Variants in IQCM observed in about 807,000 individuals in gnomAD.
The protein encoded by IQCM is IQ motif containing M.
Under a neutral mutation model 57.6 loss-of-function variants are expected in IQCM, and 45 were observed. That is an observed-to-expected ratio of 0.78 (90% CI 0.62 to 1.00). The LOEUF is 1.00. Among genes scored for constraint, IQCM ranks in the 50% least tolerant of loss-of-function variants. The pLI, the probability that IQCM is intolerant of heterozygous loss-of-function variation, is 0.00. For synonymous variants in IQCM, 148 were observed against 158.9 expected, an observed-to-expected ratio of 0.93 and a Z score of 0.51; for missense variants, 468 against 511.6, an observed-to-expected ratio of 0.91 and a Z score of 0.82.
At chr4:149,501,032 A>G (rs939657081) in intron 12 of IQCM, among the ~76,000 whole-genome samples, 7 of 152,000 alleles carry the variant, frequency 4.6e-5, no homozygotes, top group Admixed American at 3.9e-4. Context: ...GAAGACAAAA[A>G]TCTCTTTATA....
chr4:149,481,907 G>A (rs1347931750), intron 12 of IQCM, among the ~76,000 whole-genome samples: 2 of 94,696 alleles, frequency 2.1e-5, no homozygotes, highest in East Asian at 6.3e-4. Context: ...GCATTAACAT[G>A]GAGTATCTTT....
At chr4:149,659,038 G>C (rs1241931702) in intron 7 of IQCM, among the ~76,000 whole-genome samples, 3 of 151,864 alleles carry the variant, frequency 2.0e-5, no homozygotes, top group Non-Finnish European at 4.4e-5. Context: ...AAAAAAAAGG[G>C]TATCTTTTTT....
chr4:149,815,193 T>C (rs1055431960), intron 2 of IQCM, 118 bp downstream of exon 2: 1 of 151,864 alleles, frequency 6.6e-6, no homozygotes, highest in Non-Finnish European at 1.5e-5. Flanking sequence ...CGAAGCTACA[T>C]GGGGGGTATA....
chr4:149,482,672 C>A (rs1462704192), intron 12 of IQCM, among the ~76,000 whole-genome samples: 1 of 151,148 alleles, frequency 6.6e-6, no homozygotes, highest in Non-Finnish European at 1.5e-5. Flanking sequence ...TTTTTTAATT[C>A]AATTTTCCAG....
intron 13 of IQCM, among the ~76,000 whole-genome samples, chr4:149,417,588 T>A (rs189610427): frequency 6.6e-6 from 1 of 152,206 alleles, no homozygotes; most frequent in East Asian, 1.9e-4. Flanking sequence ...TCATTATACA[T>A]CACAGTGGAC....
At chr4:149,515,992 T>A (rs1365151246) in intron 12 of IQCM, among the ~76,000 whole-genome samples, 3 of 152,202 alleles carry the variant, frequency 2.0e-5, no homozygotes, top group Non-Finnish European at 2.9e-5. Flanking sequence ...CCTCTTTCCC[T>A]AGCCACCTGT....
At chr4:149,709,793 A>G (rs992273375) in intron 5 of IQCM, among the ~76,000 whole-genome samples, 26 of 152,250 alleles carry the variant, frequency 1.7e-4, no homozygotes, top group Middle Eastern at 3.4e-3. Flanking sequence ...GCACAAATGC[A>G]AAGTCTTGTT....
chr4:149,406,977 C>A (rs1733022314), intron 13 of IQCM, among the ~76,000 whole-genome samples: 2 of 149,268 alleles, frequency 1.3e-5, no homozygotes, highest in Admixed American at 1.3e-4. Flanking sequence ...AGAATGAGAG[C>A]CAAGTGAAGG....
At chr4:149,597,839 C>CA in intron 8 of IQCM, among the ~76,000 whole-genome samples, 1 of 151,838 alleles carries the variant, frequency 6.6e-6, no homozygotes, top group Non-Finnish European at 1.5e-5. Context: ...AGAAGCCCAA[C>CA]AAAAATGGAG....
At chr4:149,725,091 A>G (rs1216930459) in intron 5 of IQCM, among the ~76,000 whole-genome samples, 3 of 152,148 alleles carry the variant, frequency 2.0e-5, no homozygotes, top group Non-Finnish European at 4.4e-5. Flanking sequence ...GGCAAGCACA[A>G]AGAAGATATT....
At chr4:149,511,407 A>T (rs964080162) in intron 12 of IQCM, among the ~76,000 whole-genome samples, 2 of 151,704 alleles carry the variant, frequency 1.3e-5, no homozygotes, top group African/African-American at 2.4e-5. Flanking sequence ...ACATGTCTGT[A>T]ATCCCAGCTA....
intron 7 of IQCM, among the ~76,000 whole-genome samples, chr4:149,651,778 T>C (rs576130173): frequency 5.5e-4 from 84 of 152,274 alleles, no homozygotes; most frequent in Non-Finnish European, 9.4e-4. Flanking sequence ...TTAGAATGGC[T>C]GTCCTTAAAA....
chr4:149,502,879 C>A (rs1218351722), intron 12 of IQCM, among the ~76,000 whole-genome samples: 1 of 151,854 alleles, frequency 6.6e-6, no homozygotes, highest in Non-Finnish European at 1.5e-5. Context: ...AAATCAGTAT[C>A]CAATTGCCAG....
At chr4:149,402,296 T>C (rs1477708167) in intron 13 of IQCM, among the ~76,000 whole-genome samples, 2 of 151,684 alleles carry the variant, frequency 1.3e-5, no homozygotes, top group African/African-American at 4.8e-5. Flanking sequence ...CATACCTTTG[T>C]AGAAATTCAA....
chr4:149,540,973 C>G (rs1357508137), intron 12 of IQCM, among the ~76,000 whole-genome samples: 3 of 152,118 alleles, frequency 2.0e-5, no homozygotes, highest in African/African-American at 7.2e-5. Context: ...CTTTTGCCAT[C>G]AGAATTTTTC....
chr4:149,430,005 C>T, intron 13 of IQCM: 1 of 1,228,940 alleles, frequency 8.1e-7, no homozygotes, highest in African/African-American at 1.6e-5. Flanking sequence ...ATATAGGTCA[C>T]CTTCTGATAA....
chr4:149,461,622 C>A (rs1397475466), intron 12 of IQCM, among the ~76,000 whole-genome samples: 1 of 148,570 alleles, frequency 6.7e-6, no homozygotes, highest in East Asian at 2.0e-4. Context: ...CCACTGTACT[C>A]CAGTCTGGAC....
intron 12 of IQCM, among the ~76,000 whole-genome samples, chr4:149,519,056 C>T (rs759662341): frequency 6.6e-6 from 1 of 152,164 alleles, no homozygotes; most frequent in Non-Finnish European, 1.5e-5. Flanking sequence ...GGTCTGGTTT[C>T]TTGTCAAACA....
At chr4:149,763,760 C>A (rs1232250992) in intron 2 of IQCM, among the ~76,000 whole-genome samples, 1 of 151,996 alleles carries the variant, frequency 6.6e-6, no homozygotes, top group Admixed American at 6.6e-5. Flanking sequence ...AAAACTCAAG[C>A]TCTTAATCTT....
Sources: gnomAD v4.1 joint callset for allele counts (sites outside exome capture counted in the v4.1 genomes callset) on GRCh38, gnomAD v4.1.1 for gene constraint, MANE v1.5 for transcripts, NCBI Gene and HGNC (gene_info 2026-07-23, HGNC 2026-07-21) for gene names.